Variants in PLXNB3 observed in about 807,000 individuals in gnomAD.
PLXNB3 encodes plexin B3.
Under a neutral mutation model 125.7 loss-of-function variants are expected in PLXNB3, and 80 were observed. The ratio of observed to expected loss-of-function variants is 0.64; its 90% CI spans 0.53 to 0.77. PLXNB3 has a LOEUF of 0.77. PLXNB3 is among the 30% of genes least tolerant of loss of function. The pLI is 0.00. For missense variants in PLXNB3, 1,836 were observed against 1,729.3 expected (o/e 1.06, Z -1.09); for synonymous variants, 954 against 783.3 (o/e 1.22, Z -3.64).
chrX:153,766,771 C>T, intron 2 of PLXNB3, 102 bp from the exon 3 acceptor site: 1 of 1,093,268 alleles, frequency 9.1e-7, no homozygotes, highest in Non-Finnish European at 1.2e-6. Flanking sequence ...CCCTCCCTCC[C>T]TGGCCCTGAG....
intron 11 of PLXNB3, 26 bp from the exon 12 acceptor site, chrX:153,770,939 A>G: frequency 1.7e-6 from 2 of 1,206,854 alleles, no homozygotes; most frequent in South Asian, 3.5e-5. Context: ...CAGCGTGTCC[A>G]CACTCCTGAC....
intron 6 of PLXNB3, 47 bp from the exon 7 acceptor site, chrX:153,769,760 T>A: frequency 8.5e-7 from 1 of 1,171,071 alleles, no homozygotes; most frequent in East Asian, 3.1e-5. Flanking sequence ...CGGTCATCCT[T>A]GGAGTCTAGG....
At chrX:153,773,117 T>A (rs2091951268) in intron 17 of PLXNB3, 101 bp downstream of exon 17, 1 of 1,075,146 alleles carries the variant, frequency 9.3e-7, no homozygotes, top group African/African-American at 1.9e-5. Context: ...CCCCCAGTGG[T>A]CCCTGCCCTT....
In PLXNB3 at chrX:153,773,890, G is replaced by A. The variant is rs111942299; in HGVS notation, c.3311G>A (p.Ser1104Asn). The A allele has an allele frequency of 9.0e-4, 1,090 of 1,210,237 alleles. 5 individuals carry two copies. The African/African-American group carries it at 0.016, about 18-fold the overall frequency. The change falls in exon 20 of 36, where the codon AGC becomes AAC. Residue 1104 changes from serine to asparagine, a missense_variant. Transcript: ENST00000361971. ...CSTVCSVNSS[S>N]LLLCRSPAVP... Reference sequence around the variant, plus strand: ...ACCGTCTGCTCCGTCAACTCGTCCAGCCTCCTCCTGTGCCGGAGCCCTGCT... The same window carrying A: ...ACCGTCTGCTCCGTCAACTCGTCCAACCTCCTCCTGTGCCGGAGCCCTGCT...
intron 16 of PLXNB3, 30 bp downstream of exon 16, chrX:153,772,317 A>G (rs1557062288): frequency 2.9e-6 from 3 of 1,046,752 alleles, no homozygotes; most frequent in Admixed American, 4.8e-5. Context: ...TGCCCTACGC[A>G]GGGGAGGGTA....
rs1557063665 is a variant in PLXNB3, at chrX:153,775,295, C to T, written c.4226C>T (p.Ser1409Leu). The T allele has an allele frequency of 5.8e-6, 7 of 1,208,666 alleles. No individual in the cohort carries two copies. Among genetic ancestry groups the T allele is most frequent in the Non-Finnish European group, 7.8e-6 (7 of 894,204 alleles). Reference sequence around the variant, plus strand: ...CGCTGCCATGTGGCTTCGCTGCTGTCGCTAGCGCTACACGGCAAGCTGGAG... The same window carrying T: ...CGCTGCCATGTGGCTTCGCTGCTGTTGCTAGCGCTACACGGCAAGCTGGAG... The part of the protein sequence containing the change: ...RDRCHVASLL[S>L]LALHGKLEYL... The change falls in exon 25 of 36, where the codon TCG becomes TTG. Residue 1409 changes from serine (S) to leucine (L), a missense_variant. By Grantham distance (145) the Ser-to-Leu change is moderately radical. Coordinates refer to ENST00000361971, the MANE Select transcript of PLXNB3 (RefSeq NM_005393.3).
Position 153,767,635 on chromosome X carries a change from GAC to G in PLXNB3, c.811_812del (p.Thr271GlnfsTer92). 4.2e-6 allele frequency: 5 copies of G among 1,197,803 alleles called. No homozygotes were observed. The highest frequency in any genetic ancestry group is 5.6e-6 in the Non-Finnish European group (5 of 888,780). ...RSYVARVCLG[D>X]TNLYSYVEVP... ...CTACGTGGCCCGCGTCTGCCTGGGGGACACCAACCTGTACTCCTACGTGGAGG... is the reference window on the plus strand; with the variant it reads ...CTACGTGGCCCGCGTCTGCCTGGGGGACCAACCTGTACTCCTACGTGGAGG... On this transcript the variant is annotated frameshift_variant, in exon 3 of 36. Transcript: ENST00000361971. LOFTEE classifies it high-confidence loss of function.
In PLXNB3 at chrX:153,774,477, C is replaced by T; in HGVS notation, c.3736C>T (p.Pro1246Ser). 8.3e-7 allele frequency: 1 copy of T among 1,205,455 alleles called. No individual in the cohort carries two copies. The highest frequency in any genetic ancestry group is 1.1e-6 in the Non-Finnish European group (1 of 892,660). Residue 1246 changes from proline to serine, a missense_variant, in exon 22 of 36, where the codon CCG (proline) becomes TCG (serine). Coordinates refer to ENST00000361971, the MANE Select transcript of PLXNB3 (RefSeq NM_005393.3). ...LGPVQYEAEPPLSAFPVEAQA... is the reference protein window; with the variant it reads ...LGPVQYEAEPSLSAFPVEAQA... ...CCCTGTGCAGTACGAGGCTGAACCCCCGCTGTCTGCCTTTCCCGTGGAGGC... is the reference window on the plus strand; with the variant it reads ...CCCTGTGCAGTACGAGGCTGAACCCTCGCTGTCTGCCTTTCCCGTGGAGGC...
chrX:153,769,699 A>C, intron 6 of PLXNB3, 108 bp from the exon 7 acceptor site: 1 of 843,107 alleles, frequency 1.2e-6, no homozygotes, highest in Non-Finnish European at 1.7e-6. Flanking sequence ...CCTCCTGCTC[A>C]TTGCACCCCA....
Position 153,768,118 on chromosome X carries a change from TC to T in PLXNB3, c.1087-130del. The T allele has an allele frequency of 1.7e-5, 14 of 828,202 alleles. No individual in the cohort carries two copies. The South Asian group carries it at 3.5e-4, about 21-fold the overall frequency. 68.3% of individuals were successfully genotyped at this position (828,202 alleles called of 1,213,427 possible). On this transcript the variant is annotated intron_variant, in intron 3 of 35. Coordinates refer to ENST00000361971, the MANE Select transcript of PLXNB3 (RefSeq NM_005393.3). ...TGAGCTTGCCAGGTGCCCTGGCCCT[TC>T]GGCCCTGATTGCTGGGCCTTGGGGT...
chrX:153,777,772 C>T, intron 31 of PLXNB3, 84 bp downstream of exon 31: 1 of 1,110,046 alleles, frequency 9.0e-7, no homozygotes, highest in Admixed American at 2.4e-5. Flanking sequence ...GGTGGATGCG[C>T]CCACCTGGGG....
At position 153,769,039 on chromosome X, in the gene PLXNB3, G is replaced by A. The variant is rs139900515; in HGVS notation, c.1358G>A (p.Ser453Asn). ...ATCAGCCCAGACCTGCTGCTGGACA[G>A]CAGTGGCAGTCACCTCTATGTCCTG... ...SAISPDLLLDSSGSHLYVLTA... is the reference protein window; with the variant it reads ...SAISPDLLLDNSGSHLYVLTA... The change falls in exon 5 of 36, where the codon AGC (serine) becomes AAC (asparagine). Residue 453 changes from serine (S) to asparagine (N), a missense_variant. Coordinates refer to ENST00000361971, the MANE Select transcript of PLXNB3 (RefSeq NM_005393.3). 13 of 1,209,954 alleles carry A rather than the reference G, an allele frequency of 1.1e-5. No homozygotes were observed. In the African/African-American group the frequency reaches 1.9e-4, roughly 18 times the overall value.
chrX:153,769,353 C>T, intron 6 of PLXNB3, 91 bp downstream of exon 6: 2 of 703,956 alleles, frequency 2.8e-6, no homozygotes, highest in South Asian at 2.7e-5. Context: ...TGCCGGGAGG[C>T]CAACCCTGCC....
intron 29 of PLXNB3, 68 bp from the exon 30 acceptor site, chrX:153,777,140 G>C: frequency 7.4e-6 from 8 of 1,077,665 alleles, no homozygotes; most frequent in Non-Finnish European, 9.8e-6. Flanking sequence ...CTTGTCGGGG[G>C]AGTGGACTGG....
intron 11 of PLXNB3, 32 bp from the exon 12 acceptor site, chrX:153,770,933 G>A (rs781815574): frequency 2.6e-5 from 31 of 1,205,448 alleles, no homozygotes; most frequent in Middle Eastern, 2.3e-4. Context: ...TGCCAACAGC[G>A]TGTCCACACT....
intron 14 of PLXNB3, 96 bp from the exon 15 acceptor site, chrX:153,771,768 C>T (rs1013056788): frequency 3.8e-5 from 43 of 1,135,720 alleles, no homozygotes; most frequent in South Asian, 2.6e-4. Context: ...CCCAGCAGCT[C>T]GGCCTGGCTG....
intron 2 of PLXNB3, chrX:153,765,912 G>A: frequency 4.0e-6 from 3 of 754,119 alleles, no homozygotes; most frequent in Non-Finnish European, 3.1e-6. Flanking sequence ...CACCCTCGGG[G>A]GCTCACCCCG....
Position 153,777,597 on chromosome X carries a change from G to A in PLXNB3, c.5170G>A (p.Ala1724Thr), listed in dbSNP as rs377395548. Residue 1724 changes from alanine to threonine, a missense_variant, in exon 31 of 36, where the codon GCC becomes ACC. Ala to Thr is a moderately conservative substitution (Grantham distance 58). Transcript: ENST00000361971. ...ILSVNRPIPI[A>T]VKYLFDLLDE... ...CAGCGTGAACCGGCCCATCCCCATC[G>A]CCGTCAAGTACCTGTTTGACCTTCT... 6.6e-6 allele frequency: 8 copies of A among 1,210,292 alleles called. No homozygotes were observed. The highest frequency in any genetic ancestry group is 3.0e-5 in the East Asian group (1 of 33,792).
Position 153,765,872 on chromosome X carries a change from G to A in PLXNB3, c.45+292G>A, listed in dbSNP as rs190860603. The A allele has an allele frequency of 1.1e-3, 807 of 753,015 alleles. 4 individuals carry two copies. The African/African-American group carries it at 0.016, about 15-fold the overall frequency. The allele number at this position is 753,015 out of a possible 1,213,427, so 62.1% of individuals were successfully genotyped here. On this transcript the variant is annotated intron_variant, in intron 2 of 35. Transcript: ENST00000361971. ...CAGCATCTCTCTGTGGAGGGCAGGA[G>A]GGGCCAGAGAAGGGGCTGCTCCCAC...
Sources: gnomAD v4.1 joint callset for allele counts on GRCh38, gnomAD v4.1.1 for gene constraint, MANE v1.5 for transcripts, NCBI Gene and HGNC (gene_info 2026-07-23, HGNC 2026-07-21) for gene names.